Variants in ELFN1 observed in about 807,000 individuals in gnomAD.
ELFN1 encodes extracellular leucine rich repeat and fibronectin type III domain containing 1.
Under a neutral mutation model 7.6 loss-of-function variants are expected in ELFN1, and 6 were observed. The ratio of observed to expected loss-of-function variants is 0.79; its 90% confidence interval spans 0.43 to 1.56. The LOEUF is 1.56. ELFN1 is among the 40% of genes most tolerant of loss of function. The pLI, the probability that ELFN1 is intolerant of heterozygous loss-of-function variation, is 0.01. For missense variants in ELFN1, 1,169 were observed against 1,232.2 expected (o/e 0.95, Z 0.77); for synonymous variants, 657 against 588.1 (o/e 1.12, Z -1.70).
chr7:1,686,292 T>C (rs935063320), intron 1 of ELFN1, among the ~76,000 whole-genome samples: 1 of 151,168 alleles, frequency 6.6e-6, no homozygotes, highest in Non-Finnish European at 1.5e-5. Context: ...GAGATCATTG[T>C]CTCTGTTAGT....
At chr7:1,726,769 A>C (rs746164859) in intron 3 of ELFN1, among the ~76,000 whole-genome samples, 44 of 152,194 alleles carry the variant, frequency 2.9e-4, no homozygotes, top group Non-Finnish European at 5.7e-4. Flanking sequence ...CAGGTGGGAC[A>C]TGAGCCCAGC....
At chr7:1,701,244 G>A (rs1032234266) in intron 2 of ELFN1, among the ~76,000 whole-genome samples, 1 of 152,050 alleles carries the variant, frequency 6.6e-6, no homozygotes, top group African/African-American at 2.4e-5. Context: ...GGAGTGCAGT[G>A]GTGGGATCAC....
intron 2 of ELFN1, among the ~76,000 whole-genome samples, chr7:1,697,543 C>A (rs1162221841): frequency 6.6e-6 from 1 of 152,262 alleles, no homozygotes; most frequent in Admixed American, 6.5e-5. Context: ...CAGCTTCCCA[C>A]TGGCCTTGTC....
chr7:1,728,939 A>G (rs1311497830), intron 3 of ELFN1, among the ~76,000 whole-genome samples: 1 of 152,146 alleles, frequency 6.6e-6, no homozygotes, highest in African/African-American at 2.4e-5. Context: ...CATGATGGCT[A>G]TCAGTGGCCC....
Position 1,746,535 on chromosome 7 carries a change from C to A in ELFN1, c.1939C>A (p.Arg647Ser). ...RASTSSSGSV[R>S]SPRAFRAEAV... is the part of the protein sequence containing the mutation. ...CAGCACCTCGTCCAGCGGCTCCGTG[C>A]GCAGCCCCCGCGCCTTCCGAGCCGA... The change falls in exon 4 of 4, where the codon CGC (arginine) becomes AGC (serine). Residue 647 changes from arginine (R) to serine (S), a missense_variant. Transcript: ENST00000424383. 1 of 1,424,100 alleles carries A rather than the reference C, an allele frequency of 7.0e-7. No individual in the cohort carries two copies. The highest frequency in any genetic ancestry group is 2.1e-4 in the Middle Eastern group (1 of 4,712). The allele number at this position is 1,424,100 out of a possible 1,614,324, so 88.2% of individuals were successfully genotyped here.
At chr7:1,687,515 C>T (rs1355418955) in intron 1 of ELFN1, among the ~76,000 whole-genome samples, 1 of 152,096 alleles carries the variant, frequency 6.6e-6, no homozygotes, top group African/African-American at 2.4e-5. Context: ...TTCTCTCCTC[C>T]AGGGGAATCT....
At chr7:1,737,994 T>C (rs981690902) in intron 3 of ELFN1, among the ~76,000 whole-genome samples, 3 of 152,184 alleles carry the variant, frequency 2.0e-5, no homozygotes, top group African/African-American at 7.2e-5. Context: ...GGTGGAAGCC[T>C]GGTAGGCTCA....
chr7:1,701,135 A>ATGTG (rs371014728), intron 2 of ELFN1, among the ~76,000 whole-genome samples: 1 of 151,108 alleles, frequency 6.6e-6, no homozygotes, highest in Non-Finnish European at 1.5e-5. Context: ...CTGTGTGTGC[A>ATGTG]TGTGTGTGTG....
chr7:1,681,096 T>C (rs1284274073), intron 1 of ELFN1, among the ~76,000 whole-genome samples: 1 of 152,242 alleles, frequency 6.6e-6, no homozygotes, highest in Non-Finnish European at 1.5e-5. Flanking sequence ...CATCCTGCAA[T>C]ATGCAGTCTT....
At chr7:1,711,575 T>TGAGTGA (rs1779652833) in intron 3 of ELFN1, among the ~76,000 whole-genome samples, 1 of 87,544 alleles carries the variant, frequency 1.1e-5, no homozygotes, top group African/African-American at 4.7e-5. Context: ...AGCGAGAGAG[T>TGAGTGA]GAGAGAGAGA....
Position 1,746,783 on chromosome 7 carries a change from C to T in ELFN1, c.2187C>T (p.Gly729=), listed in dbSNP as rs1780814470. The change falls in exon 4 of 4, where the codon GGC becomes GGT. Residue 729 remains glycine (G), a synonymous_variant. Transcript: ENST00000424383. The part of the protein sequence containing the change: ...PGPPPPPPHE[G]LGRKASILEP... ...CACCGCCGCCGCCTCCGCACGAGGG[C>T]CTGGGGCGCAAGGCGTCCATCCTGG... The T allele has an allele frequency of 6.6e-7, 1 of 1,525,984 alleles. No individual in the cohort carries two copies. Among genetic ancestry groups the T allele is most frequent in the Non-Finnish European group, 8.8e-7 (1 of 1,140,938 alleles). The allele number at this position is 1,525,984 out of a possible 1,614,324, so 94.5% of individuals were successfully genotyped here. A position where few individuals can be genotyped will look rare whatever the true frequency, so the allele number is the denominator to read the frequency against.
At chr7:1,732,243 G>T (rs1448975724) in intron 3 of ELFN1, among the ~76,000 whole-genome samples, 4 of 152,162 alleles carry the variant, frequency 2.6e-5, no homozygotes, top group Non-Finnish European at 5.9e-5. Context: ...GCTGGGAGGG[G>T]TTCACGTCCC....
chr7:1,672,336 C>G (rs1778783293), intron 1 of ELFN1, among the ~76,000 whole-genome samples: 1 of 152,206 alleles, frequency 6.6e-6, no homozygotes, highest in Admixed American at 6.5e-5. Flanking sequence ...GCTCCCCACA[C>G]CTGGGCCAGG....
chr7:1,684,580 A>G (rs939369609), intron 1 of ELFN1, among the ~76,000 whole-genome samples: 1 of 152,076 alleles, frequency 6.6e-6, no homozygotes, highest in Non-Finnish European at 1.5e-5. Flanking sequence ...AATACTTTTC[A>G]TGTGCCATTT....
chr7:1,740,717 T>TC lies in ELFN1; in HGVS notation c.-293-3580dup, dbSNP rs967084827. ...CCTAGCACAGCACCTGTCCAGCCTC[T>TC]CCCCCCCGGCCCCTGACAGGAGGCT... is the stretch of plus-strand genomic sequence containing the variant. On this transcript the variant is annotated intron_variant, in intron 3 of 3. Coordinates refer to ENST00000424383, the MANE Select transcript of ELFN1 (RefSeq NM_001128636.4). This position sits in a 1 kb window ranked among gnomAD's most constrained non-coding sequence, Gnocchi z 5.0. Among the ~76,000 whole-genome samples, 7 of 151,754 alleles carry TC rather than the reference T, an allele frequency of 4.6e-5. No homozygotes were observed. The highest frequency in any genetic ancestry group is 4.2e-4 in the South Asian group (2 of 4,804).
chr7:1,738,880 G>C (rs1337486244), intron 3 of ELFN1: 3 of 151,836 alleles, frequency 2.0e-5, no homozygotes, highest in Admixed American at 2.0e-4. Flanking sequence ...CAGGGAGAGA[G>C]AAGGGCCAGG....
chr7:1,684,297 T>C (rs1779024571), intron 1 of ELFN1, among the ~76,000 whole-genome samples: 2 of 152,356 alleles, frequency 1.3e-5, no homozygotes, highest in Non-Finnish European at 2.9e-5. Context: ...AACTAAAATG[T>C]ACCCCTTCTA....
chr7:1,733,298 G>A (rs1454591944), intron 3 of ELFN1, among the ~76,000 whole-genome samples: 1 of 152,200 alleles, frequency 6.6e-6, no homozygotes, highest in Non-Finnish European at 1.5e-5. Flanking sequence ...AGGTGGCCTT[G>A]GGGAGTGGAA....
rs1436863291 is a variant in ELFN1, at chr7:1,740,203, C to T, written c.-293-4101C>T. Among the ~76,000 whole-genome samples the T allele has an allele frequency of 1.3e-5, 2 of 152,162 alleles. No homozygotes were observed. Among genetic ancestry groups the T allele is most frequent in the African/African-American group, 2.4e-5 (1 of 41,430 alleles). On this transcript the variant is annotated intron_variant, in intron 3 of 3. Coordinates refer to ENST00000424383, the MANE Select transcript of ELFN1 (RefSeq NM_001128636.4). This position sits in a 1 kb window ranked among gnomAD's most constrained non-coding sequence, Gnocchi z 5.0. ...GAGGCAGGAGGCCAGGCCCTGGGAGCAGGTGCAGATGGGCTGAGAGGAAGG... is the reference window on the plus strand; with the variant it reads ...GAGGCAGGAGGCCAGGCCCTGGGAGTAGGTGCAGATGGGCTGAGAGGAAGG...
Sources: gnomAD v4.1 joint callset for allele counts (sites outside exome capture counted in the v4.1 genomes callset) on GRCh38, gnomAD v4.1.1 for gene constraint, Gnocchi (gnomAD v3.1) non-coding constraint, MANE v1.5 for transcripts, NCBI Gene and HGNC (gene_info 2026-07-23, HGNC 2026-07-21) for gene names.